GRM8: variants seen among roughly 807,000 people sequenced by gnomAD.
GRM8 encodes the protein metabotropic glutamate receptor 8.
In GRM8, 47 loss-of-function variants were observed where a neutral mutation model predicts 87.2. The ratio of observed to expected loss-of-function variants is 0.54; its 90% CI spans 0.43 to 0.69. The LOEUF (loss-of-function observed/expected upper bound fraction) is 0.69, where lower values mean the gene tolerates loss of function less well. GRM8 is among the 30% of genes least tolerant of loss of function. GRM8 has a pLI of 0.00. For synonymous variants in GRM8, 396 were observed against 404.5 expected (o/e 0.98, Z 0.25); for missense variants, 1,019 against 1,139.2 (o/e 0.89, Z 1.52).
chr7:126,595,999 T>C (rs1797152059), intron 8 of GRM8, among the ~76,000 whole-genome samples: 1 of 152,052 alleles, frequency 6.6e-6, no homozygotes, highest in Non-Finnish European at 1.5e-5. Flanking sequence ...CAGATGGGTG[T>C]GGTGGCACAG....
chr7:126,625,655 A>G (rs1800600969), intron 7 of GRM8, among the ~76,000 whole-genome samples: 1 of 152,210 alleles, frequency 6.6e-6, no homozygotes, highest in Admixed American at 6.5e-5. Flanking sequence ...TTGCATTTAT[A>G]GTACTCAAAT....
chr7:127,188,152 C>G (rs1375981698), intron 2 of GRM8, among the ~76,000 whole-genome samples: 1 of 152,154 alleles, frequency 6.6e-6, no homozygotes, highest in Non-Finnish European at 1.5e-5. Context: ...TTCAGGAGGG[C>G]TCATTGTATC....
chr7:127,203,514 C>T (rs987581328), intron 2 of GRM8, among the ~76,000 whole-genome samples: 3 of 152,106 alleles, frequency 2.0e-5, no homozygotes, highest in African/African-American at 7.2e-5. Flanking sequence ...TTGAGACTCA[C>T]CTGGCCAACA....
Position 126,978,673 on chromosome 7 carries a change from T to C in GRM8, c.728-73990A>G, listed in dbSNP as rs966250319. On this transcript the variant is annotated intron_variant, in intron 3 of 10. Transcript: ENST00000339582. ...AAGACTTTTGCAAAACCAAGTCAAG[T>C]GTTAGATAGGTGGCAGGATTAGATG... Among the ~76,000 whole-genome samples, 17 of 152,308 alleles carry C rather than the reference T, an allele frequency of 1.1e-4. No homozygotes were observed. The East Asian group carries it at 3.3e-3, about 29-fold the overall frequency.
intron 3 of GRM8, among the ~76,000 whole-genome samples, chr7:127,007,692 A>C (rs998720621): frequency 6.6e-6 from 1 of 152,102 alleles, no homozygotes; most frequent in Admixed American, 6.6e-5. Context: ...GGCTTTTATA[A>C]AGATGCCAAG....
chr7:126,791,924 C>T (rs551291183), intron 6 of GRM8, among the ~76,000 whole-genome samples: 2 of 152,268 alleles, frequency 1.3e-5, no homozygotes, highest in South Asian at 4.2e-4. Context: ...CTGTGTTCCT[C>T]AGTGAGAACG....
chr7:127,060,486 C>T (rs1214776939), intron 3 of GRM8, among the ~76,000 whole-genome samples: 1 of 151,944 alleles, frequency 6.6e-6, no homozygotes, highest in African/African-American at 2.4e-5. Flanking sequence ...AAAATTTTAT[C>T]ATGAATAGGA....
chr7:127,051,891 T>C (rs964991402), intron 3 of GRM8, among the ~76,000 whole-genome samples: 4 of 150,190 alleles, frequency 2.7e-5, no homozygotes, highest in Admixed American at 2.0e-4. Flanking sequence ...TGCATAAGAA[T>C]GATACATAGC....
At chr7:126,582,370 T>C (rs990977310) in intron 8 of GRM8, among the ~76,000 whole-genome samples, 1 of 152,084 alleles carries the variant, frequency 6.6e-6, no homozygotes, top group African/African-American at 2.4e-5. Flanking sequence ...AGAAGCTGCA[T>C]AAGAAAAGCT....
intron 7 of GRM8, among the ~76,000 whole-genome samples, chr7:126,691,272 C>T (rs1196309395): frequency 6.6e-6 from 1 of 152,136 alleles, no homozygotes; most frequent in African/African-American, 2.4e-5. Flanking sequence ...CATGCATGCA[C>T]CTGGCCAGGT....
chr7:127,028,119 G>A (rs1586793527), intron 3 of GRM8, among the ~76,000 whole-genome samples: 1 of 152,298 alleles, frequency 6.6e-6, no homozygotes, highest in Middle Eastern at 3.4e-3. Flanking sequence ...CTGTTTATGT[G>A]ACAGATTATG....
intron 7 of GRM8, among the ~76,000 whole-genome samples, chr7:126,623,954 C>T (rs1416210658): frequency 1.3e-5 from 2 of 152,148 alleles, no homozygotes; most frequent in African/African-American, 4.8e-5. Flanking sequence ...ACCCCCTGCT[C>T]AAAAAAGCTT....
At chr7:126,780,533 T>C (rs1819943178) in intron 6 of GRM8, among the ~76,000 whole-genome samples, 1 of 152,182 alleles carries the variant, frequency 6.6e-6, no homozygotes, top group South Asian at 2.1e-4. Flanking sequence ...TACTCCTTGC[T>C]GTCACAGAGT....
chr7:126,509,671 G>T (rs1319872151), intron 9 of GRM8, among the ~76,000 whole-genome samples: 1 of 151,924 alleles, frequency 6.6e-6, no homozygotes, highest in African/African-American at 2.4e-5. Flanking sequence ...AGGCTTAATT[G>T]ATTTAAATCT....
intron 7 of GRM8, among the ~76,000 whole-genome samples, chr7:126,655,581 C>G (rs1267988069): frequency 6.6e-6 from 1 of 152,118 alleles, no homozygotes; most frequent in East Asian, 1.9e-4. Flanking sequence ...AACTACTGGT[C>G]ATTCATCTTA....
intron 6 of GRM8, among the ~76,000 whole-genome samples, chr7:126,868,356 T>C (rs1226889789): frequency 6.6e-6 from 1 of 152,232 alleles, no homozygotes; most frequent in African/African-American, 2.4e-5. Flanking sequence ...AGATCACAGA[T>C]CTGAGGTGAC....
chr7:126,594,795 G>A (rs990824216), intron 8 of GRM8, among the ~76,000 whole-genome samples: 4 of 151,992 alleles, frequency 2.6e-5, no homozygotes, highest in Non-Finnish European at 5.9e-5. Flanking sequence ...ATTCCACAAC[G>A]TATATATACT....
chr7:127,211,455 G>A (rs531160731), intron 2 of GRM8, among the ~76,000 whole-genome samples: 5 of 152,334 alleles, frequency 3.3e-5, no homozygotes, highest in African/African-American at 1.2e-4. Flanking sequence ...TGCCCACACA[G>A]ATGGAGGGTG....
intron 7 of GRM8, among the ~76,000 whole-genome samples, chr7:126,710,420 G>A (rs1810983491): frequency 5.3e-5 from 8 of 152,178 alleles, no homozygotes; most frequent in Admixed American, 5.2e-4. Context: ...TTCAAGCCCT[G>A]CTGCTGCCTT....
Sources: allele counts gnomAD v4.1 joint callset (sites outside exome capture counted in the v4.1 genomes callset), GRCh38; gene constraint gnomAD v4.1.1; transcripts MANE v1.5; gene names NCBI Gene and HGNC (gene_info 2026-07-23, HGNC 2026-07-21).